Variants in SPATS2 observed in about 807,000 individuals in gnomAD.
The protein encoded by SPATS2 is spermatogenesis-associated serine-rich protein 2.
Under a neutral mutation model 63.7 loss-of-function variants are expected in SPATS2, and 38 were observed. That is an observed-to-expected ratio of 0.60 (90% CI 0.46 to 0.78). SPATS2 has a LOEUF of 0.78. Ranked by LOEUF, SPATS2 falls within the 30% of genes least tolerant of loss-of-function variation. The probability of loss-of-function intolerance (pLI) is 0.00; values close to 1 mark genes in which losing one functional copy is unlikely to be tolerated. For synonymous variants in SPATS2, 207 were observed against 232.9 expected (o/e 0.89, Z 1.01); for missense variants, 588 against 666.2 (o/e 0.88, Z 1.29).
intron 9 of SPATS2, among the ~76,000 whole-genome samples, chr12:49,506,010 C>T (rs1946649166): frequency 6.6e-6 from 1 of 150,678 alleles, no homozygotes; most frequent in African/African-American, 2.5e-5. Flanking sequence ...TATACCCATA[C>T]AACCATTTTG....
chr12:49,368,816 C>T (rs1327223649), intron 1 of SPATS2, among the ~76,000 whole-genome samples: 1 of 151,914 alleles, frequency 6.6e-6, no homozygotes, highest in South Asian at 2.1e-4. Context: ...CCATGTTAAG[C>T]CTTTTATTTG....
intron 12 of SPATS2, 23 bp downstream of exon 12, chr12:49,522,876 G>C (rs1326887692): frequency 6.3e-7 from 1 of 1,593,300 alleles, no homozygotes; most frequent in Admixed American, 1.7e-5. Flanking sequence ...GAGGGTCTGG[G>C]CACTACAGGT....
intron 10 of SPATS2, 105 bp downstream of exon 10, chr12:49,514,718 T>G: frequency 1.0e-6 from 1 of 972,480 alleles, no homozygotes. Context: ...TAATAAGAGT[T>G]TATATATTTA....
intron 2 of SPATS2, among the ~76,000 whole-genome samples, chr12:49,398,243 C>T (rs957376722): frequency 2.0e-5 from 3 of 151,240 alleles, no homozygotes; most frequent in African/African-American, 7.3e-5. Context: ...CAGACTAGGG[C>T]CAGTTCATAA....
chr12:49,517,141 AAT>A (rs1946864337), intron 10 of SPATS2, among the ~76,000 whole-genome samples: 1 of 152,222 alleles, frequency 6.6e-6, no homozygotes, highest in African/African-American at 2.4e-5. Context: ...AGAATCACTG[AAT>A]GCTAGAGCTG....
At chr12:49,500,407 C>T (rs549984567) in intron 9 of SPATS2, among the ~76,000 whole-genome samples, 67 of 152,264 alleles carry the variant, frequency 4.4e-4, no homozygotes, top group African/African-American at 1.5e-3. Flanking sequence ...ACTCACAATG[C>T]TCTAGAAATG....
intron 9 of SPATS2, among the ~76,000 whole-genome samples, chr12:49,507,157 C>T (rs1168612798): frequency 6.6e-6 from 1 of 152,176 alleles, no homozygotes; most frequent in Non-Finnish European, 1.5e-5. Flanking sequence ...TCTTAAGTCA[C>T]AACTTGTAGT....
intron 2 of SPATS2, among the ~76,000 whole-genome samples, chr12:49,372,379 T>A (rs927791265): frequency 6.6e-6 from 1 of 152,230 alleles, no homozygotes; most frequent in Admixed American, 6.5e-5. Flanking sequence ...GATTTTGTCA[T>A]ATGCTACCTG....
chr12:49,396,875 C>T (rs1044502916), intron 2 of SPATS2, among the ~76,000 whole-genome samples: 2 of 152,210 alleles, frequency 1.3e-5, no homozygotes, highest in African/African-American at 4.8e-5. Context: ...CATTTGTCTT[C>T]AGCTCTGGAC....
At chr12:49,426,533 T>A (rs922763744) in intron 2 of SPATS2, among the ~76,000 whole-genome samples, 2 of 152,160 alleles carry the variant, frequency 1.3e-5, no homozygotes, top group African/African-American at 4.8e-5. Flanking sequence ...CAGTAGCTCC[T>A]TTTTCATTGC....
At chr12:49,409,232 T>C in intron 2 of SPATS2, among the ~76,000 whole-genome samples, 1 of 152,176 alleles carries the variant, frequency 6.6e-6, no homozygotes, top group East Asian at 1.9e-4. Flanking sequence ...AAGCTGCATT[T>C]AGAGGATAAA....
intron 2 of SPATS2, among the ~76,000 whole-genome samples, chr12:49,412,437 G>A (rs1592372086): frequency 6.6e-6 from 1 of 152,036 alleles, no homozygotes; most frequent in East Asian, 1.9e-4. Flanking sequence ...CCTGACCTCG[G>A]GTGATCGGCC....
chr12:49,488,238 T>G (rs1946327667), intron 4 of SPATS2, among the ~76,000 whole-genome samples: 1 of 151,814 alleles, frequency 6.6e-6, no homozygotes, highest in Non-Finnish European at 1.5e-5. Context: ...AGAGACGGCG[T>G]TTTTCCATGT....
intron 10 of SPATS2, 147 bp from the exon 11 acceptor site, chr12:49,518,926 G>T: frequency 1.9e-6 from 1 of 520,938 alleles, no homozygotes. Context: ...GGAAGGTAGA[G>T]ACCAGACTTT....
intron 4 of SPATS2, among the ~76,000 whole-genome samples, chr12:49,487,212 C>T (rs986781253): frequency 2.6e-5 from 4 of 152,076 alleles, no homozygotes; most frequent in Middle Eastern, 3.2e-3. Context: ...TGGGGCCAGG[C>T]GCGATGGCTC....
In SPATS2 at chr12:49,460,888, G is replaced by T; in HGVS notation, c.-125G>T. 1.0e-6 allele frequency: 1 copy of T among 974,506 alleles called. No homozygotes were observed. 60.4% of individuals were successfully genotyped at this position (974,506 alleles called of 1,614,324 possible). Reference sequence around the variant, plus strand: ...GCAGAATTTCGAACAGCAGGATTTCGTATTTTTTGCTTCCAACTGCACACT... The same window carrying T: ...GCAGAATTTCGAACAGCAGGATTTCTTATTTTTTGCTTCCAACTGCACACT... On this transcript the variant is annotated 5_prime_UTR_variant, in exon 3 of 14. Coordinates refer to ENST00000552918, the MANE Select transcript of SPATS2 (RefSeq NM_023071.4).
rs111978343 is a variant in SPATS2 at position 49,395,426 on chromosome 12, ATTT to A, written c.-244+24150_-244+24152del. On this transcript the variant is annotated intron_variant, in intron 2 of 13. Coordinates refer to ENST00000552918, the MANE Select transcript of SPATS2 (RefSeq NM_023071.4). ...GAGACAATACTACCTTGTTTTTCAG[ATTT>A]TTTTTTTTTTTTTGAGACAGAATCT... Among the ~76,000 whole-genome samples the A allele has an allele frequency of 5.5e-4, 78 of 140,668 alleles. 1 individual carries two copies. The highest frequency in any genetic ancestry group is 1.9e-3 in the African/African-American group (74 of 38,524). The allele number at this position is 140,668 out of a possible 152,430, so 92.3% of individuals were successfully genotyped here.
intron 2 of SPATS2, among the ~76,000 whole-genome samples, chr12:49,403,630 C>T (rs1000573048): frequency 6.9e-6 from 1 of 145,870 alleles, no homozygotes. Context: ...CACACACACA[C>T]ACACACACAC....
intron 10 of SPATS2, among the ~76,000 whole-genome samples, chr12:49,516,352 C>A (rs1199471413): frequency 1.5e-5 from 2 of 131,700 alleles, no homozygotes; most frequent in African/African-American, 7.3e-5. Flanking sequence ...AGAGCAAGAC[C>A]CTGTCTTGAA....
Sources: allele counts gnomAD v4.1 joint callset (sites outside exome capture counted in the v4.1 genomes callset), GRCh38; gene constraint gnomAD v4.1.1; transcripts MANE v1.5; gene names NCBI Gene and HGNC (gene_info 2026-07-23, HGNC 2026-07-21).